DUS4L: variants seen among roughly 807,000 people sequenced by gnomAD.
The protein encoded by DUS4L is tRNA-dihydrouridine(20a/20b) synthase [NAD(P)+]-like.
Under a neutral mutation model 33.8 loss-of-function variants are expected in DUS4L, and 31 were observed. The ratio of observed to expected loss-of-function variants is 0.92; its 90% CI spans 0.69 to 1.24. The LOEUF is 1.24. Among genes scored for constraint, DUS4L ranks in the 50% most tolerant of loss-of-function variants. DUS4L has a pLI of 0.00. For missense variants in DUS4L, 368 were observed against 388.6 expected, an observed-to-expected ratio of 0.95 and a Z score of 0.45; for synonymous variants, 103 against 120.3, an observed-to-expected ratio of 0.86 and a Z score of 0.94.
Position 107,577,638 on chromosome 7 carries a change from A to G in DUS4L, c.*78A>G. On this transcript the variant is annotated 3_prime_UTR_variant, in exon 8 of 8. Transcript: ENST00000265720. The stretch of plus-strand genomic sequence containing the variant: ...CAGAAGGTCATATTTTGTACCTTAA[A>G]CCAGTAGCTCTCAAATTTTAGTATA... 2.1e-6 allele frequency: 3 copies of G among 1,448,016 alleles called. No individual in the cohort carries two copies. The highest frequency in any genetic ancestry group is 2.8e-6 in the Non-Finnish European group (3 of 1,080,760). 89.7% of individuals were successfully genotyped at this position (1,448,016 alleles called of 1,614,324 possible).
chr7:107,566,893 T>G (rs945223489), intron 2 of DUS4L, among the ~76,000 whole-genome samples, 157 bp from the exon 3 acceptor site: 3 of 152,176 alleles, frequency 2.0e-5, no homozygotes, highest in African/African-American at 7.2e-5. Context: ...CATTCTATAG[T>G]ATCATATTGG....
intron 4 of DUS4L, 102 bp from the exon 5 acceptor site, chr7:107,573,602 A>G (rs913186651): frequency 2.6e-6 from 3 of 1,143,080 alleles, no homozygotes; most frequent in Non-Finnish European, 3.5e-6. Flanking sequence ...AGGCTAAAAA[A>G]TCGTTATTGC....
rs183322200 is a variant in DUS4L, at chr7:107,578,360, G to A, written c.*800G>A. ...AGTGTTATTAATAGATTTTGTTATCGGTGGGCATGCACTGCAAGAATTAAG... is the reference window on the plus strand; with the variant it reads ...AGTGTTATTAATAGATTTTGTTATCAGTGGGCATGCACTGCAAGAATTAAG... On this transcript the variant is annotated 3_prime_UTR_variant, in exon 8 of 8. Coordinates refer to ENST00000265720, the MANE Select transcript of DUS4L (RefSeq NM_181581.3). 5 of 152,058 alleles carry A rather than the reference G, an allele frequency of 3.3e-5. No individual in the cohort carries two copies. Among genetic ancestry groups the A allele is most frequent in the South Asian group, 2.1e-4 (1 of 4,796 alleles). 9.4% of individuals were successfully genotyped at this position (152,058 alleles called of 1,614,324 possible).
At chr7:107,576,861 T>C in intron 7 of DUS4L, 1 of 352,564 alleles carries the variant, frequency 2.8e-6, no homozygotes, top group Non-Finnish European at 5.1e-6. Context: ...AGCCTACTAG[T>C]AAAATAAAGC....
At chr7:107,568,307 G>C (rs1308077597) in intron 3 of DUS4L, among the ~76,000 whole-genome samples, 1 of 152,192 alleles carries the variant, frequency 6.6e-6, no homozygotes, top group African/African-American at 2.4e-5. Context: ...CACCAGCAGT[G>C]AACAAGAGTT....
chr7:107,568,871 C>T (rs553195760), intron 3 of DUS4L, among the ~76,000 whole-genome samples: 1 of 152,296 alleles, frequency 6.6e-6, no homozygotes, highest in Non-Finnish European at 1.5e-5. Flanking sequence ...GGTTAGGTTG[C>T]CTATGGATGT....
In DUS4L at chr7:107,567,154, A is replaced by G. The variant is rs778639375; in HGVS notation, c.84A>G (p.Val28=). The G allele has an allele frequency of 1.2e-6, 2 of 1,613,560 alleles. No homozygotes were observed. Among genetic ancestry groups the G allele is most frequent in the Admixed American group, 3.3e-5 (2 of 59,990 alleles). ...AAATGTTTCATTCTGGACAGCTGGT[A>G]AAAGTCTGTGCCCCAATGGTTCGAT... The part of the protein sequence containing the change: ...PIEMFHSGQL[V]KVCAPMVRYS... Residue 28 remains valine (V), a synonymous_variant, in exon 3 of 8, where the codon GTA becomes GTG. Coordinates refer to ENST00000265720, the MANE Select transcript of DUS4L (RefSeq NM_181581.3).
In DUS4L at chr7:107,573,685, G is replaced by C. The variant is rs1411149127; in HGVS notation, c.239-19G>C. The stretch of plus-strand genomic sequence containing the variant: ...GTTTTTTCCTGTGAATTTTAATGTT[G>C]AGCTATTCATTTTGTCAGGTGATTG... On this transcript the variant is annotated intron_variant, in intron 4 of 7. Coordinates refer to ENST00000265720, the MANE Select transcript of DUS4L (RefSeq NM_181581.3). The C allele has an allele frequency of 2.5e-6, 4 of 1,601,712 alleles. No homozygotes were observed. In the African/African-American group the frequency reaches 5.4e-5, roughly 22 times the overall value.
chr7:107,575,232 C>A lies in DUS4L; in HGVS notation c.401C>A (p.Pro134Gln). 6.2e-7 allele frequency: 1 copy of A among 1,609,582 alleles called. No homozygotes were observed. Among genetic ancestry groups the A allele is most frequent in the East Asian group, 2.2e-5 (1 of 44,720 alleles). Reference sequence around the variant, plus strand: ...TATGGGGCTTGCTTAATAAACAAGCCAGAGCTTGTTCAAGACATGGTGAAA... The same window carrying A: ...TATGGGGCTTGCTTAATAAACAAGCAAGAGCTTGTTCAAGACATGGTGAAA... ...EGYGACLINK[P>Q]ELVQDMVKQV... Residue 134 changes from proline to glutamine, a missense_variant, in exon 6 of 8, where the codon CCA (proline) becomes CAA (glutamine). Pro to Gln is a moderately conservative substitution (Grantham distance 76, BLOSUM62 -1). Transcript: ENST00000265720.
intron 3 of DUS4L, chr7:107,570,354 G>A (rs1805097082): frequency 6.6e-6 from 1 of 152,166 alleles, no homozygotes; most frequent in African/African-American, 2.4e-5. Flanking sequence ...CTGCGGGGCA[G>A]TGATGAGAGT....
chr7:107,568,067 G>A (rs1298684228), intron 3 of DUS4L, among the ~76,000 whole-genome samples: 4 of 152,098 alleles, frequency 2.6e-5, no homozygotes, highest in Non-Finnish European at 5.9e-5. Context: ...TAGAACACAA[G>A]ATAACTTCCA....
chr7:107,573,520 A>G (rs1355222059), intron 4 of DUS4L, among the ~76,000 whole-genome samples, 184 bp from the exon 5 acceptor site: 1 of 152,212 alleles, frequency 6.6e-6, no homozygotes, highest in Non-Finnish European at 1.5e-5. Flanking sequence ...TGAATTTTTT[A>G]CCGTGTAAAT....
At chr7:107,573,655 A>C (rs775710745) in intron 4 of DUS4L, 49 bp from the exon 5 acceptor site, 1 of 1,573,544 alleles carries the variant, frequency 6.4e-7, no homozygotes, top group Admixed American at 1.8e-5. Flanking sequence ...GTGTGTGTGC[A>C]TGGGGTTTTT....
rs371069795 is a variant in DUS4L, at chr7:107,571,248, G to A, written c.220G>A (p.Glu74Lys). ...FVKSIKARDS[E>K]FTTNQGDCPL... ...CAAATCTATAAAAGCCAGAGACAGC[G>A]AATTTACCACAAATCAAGGTATGTG... The change falls in exon 4 of 8, where the codon GAA becomes AAA. Residue 74 changes from glutamate to lysine, a missense_variant. Physicochemically the swap from Glu to Lys is moderately conservative, Grantham distance 56. Transcript: ENST00000265720. The A allele has an allele frequency of 5.0e-6, 8 of 1,609,474 alleles. No individual in the cohort carries two copies. The highest frequency in any genetic ancestry group is 4.0e-5 in the African/African-American group (3 of 74,570).
intron 5 of DUS4L, among the ~76,000 whole-genome samples, chr7:107,574,535 T>C (rs972804436): frequency 2.1e-4 from 32 of 151,974 alleles, no homozygotes; most frequent in Non-Finnish European, 4.1e-4. Flanking sequence ...ACGGGGTTTC[T>C]CTATGTTGGT....
Position 107,564,628 on chromosome 7 carries a change from T to C in DUS4L, c.-70T>C, listed in dbSNP as rs988633219. 2.6e-5 allele frequency: 4 copies of C among 152,694 alleles called. No homozygotes were observed. The highest frequency in any genetic ancestry group is 9.6e-5 in the African/African-American group (4 of 41,574). 9.5% of individuals were successfully genotyped at this position (152,694 alleles called of 1,614,324 possible). A position where few individuals can be genotyped will look rare whatever the true frequency, so the allele number is the denominator to read the frequency against. On this transcript the variant is annotated 5_prime_UTR_variant, in exon 2 of 8. Transcript: ENST00000265720. ...AGACTTTTTCTTAATTACAAACTGA[T>C]AGATGGTCCACATCTCAACTAACAG...
chr7:107,564,024 C>G lies in DUS4L; in HGVS notation c.-296C>G. 6.5e-7 allele frequency: 1 copy of G among 1,542,888 alleles called. No individual in the cohort carries two copies. The highest frequency in any genetic ancestry group is 8.7e-7 in the Non-Finnish European group (1 of 1,146,368). On this transcript the variant is annotated 5_prime_UTR_variant, in exon 1 of 8. Coordinates refer to ENST00000265720, the MANE Select transcript of DUS4L (RefSeq NM_181581.3). The stretch of plus-strand genomic sequence containing the variant: ...CCCACCTGGCGAACTGACTCTCAGC[C>G]CGCGCCTGGGCTAAGCCTGGCTAGG...
intron 6 of DUS4L, 178 bp downstream of exon 6, chr7:107,575,488 G>T (rs1331827276): frequency 3.3e-6 from 2 of 612,856 alleles, no homozygotes; most frequent in Non-Finnish European, 4.9e-6. Flanking sequence ...TTCATTTATA[G>T]TCCTGAAAAA....
In DUS4L at chr7:107,567,172, G is replaced by T; in HGVS notation, c.102G>T (p.Met34Ile). 6.2e-7 allele frequency: 1 copy of T among 1,612,174 alleles called. No individual in the cohort carries two copies. ...AGCTGGTAAAAGTCTGTGCCCCAAT[G>T]GTTCGATATTCAAAGTAAGTGTTGC... is the stretch of plus-strand genomic sequence containing the variant. The part of the protein sequence containing the change: ...SGQLVKVCAP[M>I]VRYSKLAFRT... The change falls in exon 3 of 8, where the codon ATG (methionine) becomes ATT (isoleucine). Residue 34 changes from methionine (M) to isoleucine (I), a missense_variant. By Grantham distance (10) the Met-to-Ile change is conservative. Coordinates refer to ENST00000265720, the MANE Select transcript of DUS4L (RefSeq NM_181581.3).
Sources: allele counts gnomAD v4.1 joint callset (sites outside exome capture counted in the v4.1 genomes callset), GRCh38; gene constraint gnomAD v4.1.1; transcripts MANE v1.5; gene names NCBI Gene and HGNC (gene_info 2026-07-23, HGNC 2026-07-21).